GLI1: variants seen among roughly 807,000 people sequenced by gnomAD.
GLI1 encodes the protein GLI family zinc finger 1.
A neutral mutation model predicts 87.8 loss-of-function variants in GLI1; 51 were observed. The ratio of observed to expected loss-of-function variants is 0.58; its 90% CI spans 0.46 to 0.73. The LOEUF is 0.73. GLI1 is among the 30% of genes least tolerant of loss of function. The pLI is 0.00. For missense variants in GLI1, 1,292 were observed against 1,437.2 expected, an observed-to-expected ratio of 0.90 and a Z score of 1.63; for synonymous variants, 528 against 558.2, an observed-to-expected ratio of 0.95 and a Z score of 0.76.
intron 1 of GLI1, among the ~76,000 whole-genome samples, chr12:57,461,006 C>G (rs1294688369): frequency 6.6e-6 from 1 of 152,202 alleles, no homozygotes; most frequent in Non-Finnish European, 1.5e-5. Context: ...CCCGTTGGCA[C>G]CCCGCCCAAA....
In GLI1 at chr12:57,463,552, G is replaced by A. The variant is rs562233408; in HGVS notation, c.-27-113G>A. ...TTTCAACTCGAATTCCGTGGCAGAT[G>A]TCTTAGAGGGGTGGGGGATACCAGG... On this transcript the variant is annotated intron_variant, in intron 1 of 11. Transcript: ENST00000228682. 2.7e-4 allele frequency: 186 copies of A among 683,490 alleles called. No individual in the cohort carries two copies. The African/African-American group carries it at 3.0e-3, about 11-fold the overall frequency. 42.3% of individuals were successfully genotyped at this position (683,490 alleles called of 1,614,324 possible).
At position 57,470,436 on chromosome 12, in the gene GLI1, C is replaced by T; in HGVS notation, c.1696C>T (p.Pro566Ser). The change falls in exon 12 of 12, where the codon CCC (proline) becomes TCC (serine). Residue 566 changes from proline to serine, a missense_variant. Transcript: ENST00000228682. ...SRRSSLASPF[P>S]PGSPPENGAS... ...CCGCTCCTCCCTGGCCTCTCCTTTC[C>T]CCCCTGGCTCCCCACCAGAGAATGG... 1 of 1,614,144 alleles carries T rather than the reference C, an allele frequency of 6.2e-7. No homozygotes were observed. The highest frequency in any genetic ancestry group is 8.5e-7 in the Non-Finnish European group (1 of 1,179,988).
chr12:57,470,742 A>G lies in GLI1; in HGVS notation c.2002A>G (p.Thr668Ala). 6.2e-7 allele frequency: 1 copy of G among 1,613,160 alleles called. No individual in the cohort carries two copies. Among genetic ancestry groups the G allele is most frequent in the Non-Finnish European group, 8.5e-7 (1 of 1,179,588 alleles). The change falls in exon 12 of 12, where the codon ACT becomes GCT. Residue 668 changes from threonine (T) to alanine (A), a missense_variant. Thr to Ala is a moderately conservative substitution (Grantham distance 58). Coordinates refer to ENST00000228682, the MANE Select transcript of GLI1 (RefSeq NM_005269.3). ...KSLGCVHTPP[T>A]VAGGGQNFDP... The stretch of plus-strand genomic sequence containing the variant: ...CCTGGGCTGTGTCCATACCCCACCC[A>G]CTGTGGCAGGGGGAGGACAGAACTT...
Position 57,468,069 on chromosome 12 carries a change from A to G in GLI1, c.1153A>G (p.Thr385Ala). Residue 385 changes from threonine to alanine, a missense_variant, in exon 10 of 12, where the codon ACA becomes GCA. Around this residue, in one of 3 missense-constraint regions of GLI1, gnomAD observed 897 missense variants for 1,040.7 expected, o/e 0.86. Transcript: ENST00000228682. ...DPSSLRKHVKTVHGPDAHVTK... is the reference protein window; with the variant it reads ...DPSSLRKHVKAVHGPDAHVTK... ...TAGCTCGCTGCGAAAACATGTCAAG[A>G]CAGTGCATGGTCCTGACGCCCATGT... 6.2e-7 allele frequency: 1 copy of G among 1,614,206 alleles called. No homozygotes were observed. Among genetic ancestry groups the G allele is most frequent in the Non-Finnish European group, 8.5e-7 (1 of 1,180,018 alleles).
rs1183640785 is a variant in GLI1 at position 57,470,532 on chromosome 12, G to A, written c.1792G>A (p.Gly598Arg). The change falls in exon 12 of 12, where the codon GGG becomes AGG. Residue 598 changes from glycine to arginine, a missense_variant. By Grantham distance (125) the Gly-to-Arg change is moderately radical. This residue lies in a region of GLI1 where 897 missense variants were observed against 1,040.7 expected (regional missense o/e 0.86). Coordinates refer to ENST00000228682, the MANE Select transcript of GLI1 (RefSeq NM_005269.3). ...LLRARYASAR[G>R]GGTSPTAASS... ...TCGGGCAAGATATGCTTCAGCCAGAGGGGGTGGTACTTCGCCCACTGCAGC... is the reference window on the plus strand; with the variant it reads ...TCGGGCAAGATATGCTTCAGCCAGAAGGGGTGGTACTTCGCCCACTGCAGC... The A allele has an allele frequency of 6.2e-7, 1 of 1,614,072 alleles. No individual in the cohort carries two copies. The highest frequency in any genetic ancestry group is 2.2e-5 in the East Asian group (1 of 44,888).
At chr12:57,463,543 G>T in intron 1 of GLI1, 122 bp from the exon 2 acceptor site, 2 of 665,734 alleles carry the variant, frequency 3.0e-6, no homozygotes, top group Non-Finnish European at 5.5e-6. Flanking sequence ...CTCGAATTCC[G>T]TGGCAGATGT....
chr12:57,464,011 C>A lies in GLI1; in HGVS notation c.113C>A (p.Pro38Gln). ...CTCTTTTTTCTAGGACTGTCTGGCC[C>A]GCCCTTCTGCCACCAAGCTAACCTC... ...PSVGTEGLSG[P>Q]PFCHQANLMS... The change falls in exon 3 of 12, where the codon CCG becomes CAG. Residue 38 changes from proline (P) to glutamine (Q), a missense_variant. Around this residue, in one of 3 missense-constraint regions of GLI1, gnomAD observed 383 missense variants for 368.4 expected, o/e 1.04. Coordinates refer to ENST00000228682, the MANE Select transcript of GLI1 (RefSeq NM_005269.3). The A allele has an allele frequency of 1.2e-6, 2 of 1,613,076 alleles. No homozygotes were observed. The highest frequency in any genetic ancestry group is 1.7e-6 in the Non-Finnish European group (2 of 1,179,026).
rs767155411 is a variant in GLI1 at position 57,465,926 on chromosome 12, G to A, written c.762+1G>A. The A allele has an allele frequency of 6.8e-6, 11 of 1,612,840 alleles. No individual in the cohort carries two copies. Among genetic ancestry groups the A allele is most frequent in the South Asian group, 3.3e-5 (3 of 91,030 alleles). On this transcript the variant is annotated splice_donor_variant, in intron 7 of 11. Coordinates refer to ENST00000228682, the MANE Select transcript of GLI1 (RefSeq NM_005269.3). LOFTEE classifies it high-confidence loss of function. Reference sequence around the variant, plus strand: ...TGACTCCCAAGAGCAGCTGGTGCACGTGAGCCCCAGGGGGTAACAGGAATG... The same window carrying A: ...TGACTCCCAAGAGCAGCTGGTGCACATGAGCCCCAGGGGGTAACAGGAATG...
chr12:57,459,921 G>GGC lies in GLI1; in HGVS notation c.-307_-306insCG, dbSNP rs1409965842. ...ACGGCAAGAGGGAGGGAAATAGAAG[G>GGC]GAGGTGAGGGGCGAGCGGGAAGAGC... is the stretch of plus-strand genomic sequence containing the variant. On this transcript the variant is annotated 5_prime_UTR_variant, in exon 1 of 12. Transcript: ENST00000228682. Among the ~76,000 whole-genome samples the GGC allele has an allele frequency of 6.6e-6, 1 of 152,162 alleles. No individual in the cohort carries two copies. Among genetic ancestry groups the GGC allele is most frequent in the Non-Finnish European group, 1.5e-5 (1 of 68,022 alleles).
At position 57,471,249 on chromosome 12, in the gene GLI1, C is replaced by T. The variant is rs1412421207; in HGVS notation, c.2509C>T (p.Pro837Ser). 6.2e-7 allele frequency: 1 copy of T among 1,601,782 alleles called. No homozygotes were observed. Among genetic ancestry groups the T allele is most frequent in the Non-Finnish European group, 8.5e-7 (1 of 1,173,762 alleles). ...TGLAPCLNAHPSEGPPHPQPL... is the reference protein window; with the variant it reads ...TGLAPCLNAHSSEGPPHPQPL... The stretch of plus-strand genomic sequence containing the variant: ...ACTGGCACCCTGCCTCAATGCCCAC[C>T]CCAGTGAGGGGCCCCCACATCCACA... The change falls in exon 12 of 12, where the codon CCC (proline) becomes TCC (serine). Residue 837 changes from proline (P) to serine (S), a missense_variant. Transcript: ENST00000228682. The surrounding 1 kb of genome is among the most constrained non-coding windows in gnomAD (Gnocchi z 4.9).
In GLI1 at chr12:57,467,340, G is replaced by T. The variant is rs376773615; in HGVS notation, c.920G>T (p.Gly307Val). 2 of 1,604,512 alleles carry T rather than the reference G, an allele frequency of 1.2e-6. No individual in the cohort carries two copies. Among genetic ancestry groups the T allele is most frequent in the South Asian group, 1.1e-5 (1 of 90,764 alleles). Reference protein sequence around the residue: ...GEKPHKCTFEGCRKSYSRLEN... With the variant: ...GEKPHKCTFEVCRKSYSRLEN... ...CCCCTGCATGTCCCCCAGTTTGAAG[G>T]GTGCCGGAAGTCATACTCACGCCTC... The change falls in exon 9 of 12, where the codon GGG (glycine) becomes GTG (valine). Residue 307 changes from glycine (G) to valine (V), a missense_variant. Around this residue, in one of 3 missense-constraint regions of GLI1, gnomAD observed 897 missense variants for 1,040.7 expected, o/e 0.86. Transcript: ENST00000228682.
At position 57,468,128 on chromosome 12, in the gene GLI1, T is replaced by A. The variant is rs1871621555; in HGVS notation, c.1212T>A (p.Pro404=). The part of the protein sequence containing the change: ...TKRHRGDGPL[P]RAPSISTVEP... ...GGCACCGTGGGGATGGCCCCCTGCC[T>A]CGGGCACCATCCATTTCTACAGTGG... is the stretch of plus-strand genomic sequence containing the variant. The change falls in exon 10 of 12, where the codon CCT becomes CCA. Residue 404 remains proline (P), a synonymous_variant. Coordinates refer to ENST00000228682, the MANE Select transcript of GLI1 (RefSeq NM_005269.3). The A allele has an allele frequency of 6.2e-7, 1 of 1,614,002 alleles. No individual in the cohort carries two copies. The highest frequency in any genetic ancestry group is 8.5e-7 in the Non-Finnish European group (1 of 1,179,978).
chr12:57,467,466 C>A lies in GLI1; in HGVS notation c.1046C>A (p.Ala349Asp). 1 of 1,609,296 alleles carries A rather than the reference C, an allele frequency of 6.2e-7. No individual in the cohort carries two copies. The highest frequency in any genetic ancestry group is 8.5e-7 in the Non-Finnish European group (1 of 1,176,012). ...GCCTTCAGCAATGCCAGTGACCGAG[C>A]CAAGCACCAGAATCGGACCCATTCC... Reference protein sequence around the residue: ...SKAFSNASDRAKHQNRTHSNE... With the variant: ...SKAFSNASDRDKHQNRTHSNE... Residue 349 changes from alanine to aspartate, a missense_variant, in exon 9 of 12, where the codon GCC becomes GAC. Ala to Asp is a moderately radical substitution (Grantham distance 126). This residue lies in a region of GLI1 where 897 missense variants were observed against 1,040.7 expected (regional missense o/e 0.86). Transcript: ENST00000228682.
chr12:57,464,503 C>T (rs1302313352), intron 3 of GLI1, among the ~76,000 whole-genome samples, 170 bp from the exon 4 acceptor site: 3 of 146,674 alleles, frequency 2.0e-5, no homozygotes, highest in Non-Finnish European at 4.5e-5. Context: ...GCCTGGGTTA[C>T]AGAGCATGAC....
rs947495897 is a variant in GLI1 at position 57,465,963 on chromosome 12, C to G, written c.762+38C>G. ...GGGTAACAGGAATGGCTAGCCAGAA[C>G]CTTTAGGAGATTCTGAGTGGGACAT... is the stretch of plus-strand genomic sequence containing the variant. On this transcript the variant is annotated intron_variant, in intron 7 of 11. Transcript: ENST00000228682. 1.1e-5 allele frequency: 18 copies of G among 1,589,176 alleles called. No homozygotes were observed. The African/African-American group carries it at 1.9e-4, about 17-fold the overall frequency.
Position 57,470,429 on chromosome 12 carries a change from T to C in GLI1, c.1689T>C (p.Ser563=), listed in dbSNP as rs1871801209. 1 of 1,613,990 alleles carries C rather than the reference T, an allele frequency of 6.2e-7. No individual in the cohort carries two copies. The highest frequency in any genetic ancestry group is 8.5e-7 in the Non-Finnish European group (1 of 1,179,996). The change falls in exon 12 of 12, where the codon TCT becomes TCC. Residue 563 remains serine, a synonymous_variant. Coordinates refer to ENST00000228682, the MANE Select transcript of GLI1 (RefSeq NM_005269.3). ...TCAGCCGCCGCTCCTCCCTGGCCTC[T>C]CCTTTCCCCCCTGGCTCCCCACCAG... ...YTVSRRSSLA[S]PFPPGSPPEN... is the part of the protein sequence containing the mutation.
rs1871953342 is a variant in GLI1 at position 57,471,584 on chromosome 12, T to C, written c.2844T>C (p.Tyr948=). The change falls in exon 12 of 12, where the codon TAT becomes TAC. Residue 948 remains tyrosine, a synonymous_variant. Transcript: ENST00000228682. The surrounding 1 kb of genome is among the most constrained non-coding windows in gnomAD (Gnocchi z 4.9). ...GTGCTAAAGCTCCAGTGAACACATA[T>C]GGACCTGGCTTTGGACCCAACTTGC... ...PSRAKAPVNT[Y]GPGFGPNLPN... 3 of 1,613,778 alleles carry C rather than the reference T, an allele frequency of 1.9e-6. No individual in the cohort carries two copies. The highest frequency in any genetic ancestry group is 1.1e-5 in the South Asian group (1 of 91,086).
At position 57,467,380 on chromosome 12, in the gene GLI1, G is replaced by A. The variant is rs1275825411; in HGVS notation, c.960G>A (p.Thr320=). 6 of 1,611,986 alleles carry A rather than the reference G, an allele frequency of 3.7e-6. No individual in the cohort carries two copies. The highest frequency in any genetic ancestry group is 3.3e-5 in the South Asian group (3 of 91,022). Reference sequence around the variant, plus strand: ...ACTCACGCCTCGAAAACCTGAAGACGCACCTGCGGTCACACACGGGTGAGA... The same window carrying A: ...ACTCACGCCTCGAAAACCTGAAGACACACCTGCGGTCACACACGGGTGAGA... ...KSYSRLENLK[T]HLRSHTGEKP... Residue 320 remains threonine (T), a synonymous_variant, in exon 9 of 12, where the codon ACG becomes ACA. Coordinates refer to ENST00000228682, the MANE Select transcript of GLI1 (RefSeq NM_005269.3).
At chr12:57,461,878 G>T (rs1206638292) in intron 1 of GLI1, among the ~76,000 whole-genome samples, 1 of 152,298 alleles carries the variant, frequency 6.6e-6, no homozygotes. Flanking sequence ...TTAGGGCTCC[G>T]GCAGGGGAAC....
Sources: gnomAD v4.1 joint callset for allele counts (sites outside exome capture counted in the v4.1 genomes callset) on GRCh38, gnomAD v4.1.1 for gene constraint, gnomAD v4.1.1 regional missense constraint, Gnocchi (gnomAD v3.1) non-coding constraint, MANE v1.5 for transcripts, NCBI Gene and HGNC (gene_info 2026-07-23, HGNC 2026-07-21) for gene names.